Variants in EFHD1 observed in about 807,000 individuals in gnomAD.
The protein encoded by EFHD1 is EF-hand domain-containing protein D1.
Under a neutral mutation model 17.2 loss-of-function variants are expected in EFHD1, and 10 were observed. The observed-to-expected ratio is 0.58, with a 90% confidence interval of 0.36 to 0.99. EFHD1 has a LOEUF of 0.99. Ranked by LOEUF, EFHD1 falls within the 50% of genes least tolerant of loss-of-function variation. EFHD1 has a pLI of 0.01. For synonymous variants in EFHD1, 153 were observed against 142.0 expected (o/e 1.08, Z -0.55); for missense variants, 310 against 327.5 (o/e 0.95, Z 0.41).
chr2:232,663,970 T>C lies in EFHD1; in HGVS notation c.450+1021T>C, dbSNP rs1472967731. ...ACCACACCTGGCTAATTTTTTAAAA[T>C]TTTTGTAGAGATGAGGTCTCACTGT... On this transcript the variant is annotated intron_variant, in intron 2 of 3. Coordinates refer to ENST00000264059, the MANE Select transcript of EFHD1 (RefSeq NM_025202.4). Among the ~76,000 whole-genome samples the C allele has an allele frequency of 2.6e-5, 4 of 152,016 alleles. No individual in the cohort carries two copies. In the East Asian group the frequency reaches 5.8e-4, roughly 22 times the overall value.
chr2:232,655,561 C>T (rs926738672), intron 1 of EFHD1, among the ~76,000 whole-genome samples: 16 of 152,204 alleles, frequency 1.1e-4, no homozygotes, highest in African/African-American at 2.7e-4. Flanking sequence ...ACTGGGACTC[C>T]GTGTAACAGA....
At chr2:232,662,431 G>A (rs942679895) in intron 1 of EFHD1, among the ~76,000 whole-genome samples, 3 of 152,120 alleles carry the variant, frequency 2.0e-5, no homozygotes, top group Non-Finnish European at 4.4e-5. Flanking sequence ...CGTGCTGGGC[G>A]TCAGGGGCCA....
chr2:232,641,589 G>A (rs6741190), intron 1 of EFHD1, among the ~76,000 whole-genome samples: 63,235 of 152,064 alleles, frequency 0.42, 13,584 homozygotes, highest in Non-Finnish European at 0.47. Context: ...GGTTTCTGTT[G>A]TCCCTCTGCA....
chr2:232,651,520 C>T (rs565690358), intron 1 of EFHD1, among the ~76,000 whole-genome samples: 1 of 152,362 alleles, frequency 6.6e-6, no homozygotes, highest in South Asian at 2.1e-4. Flanking sequence ...CCCCTTCCCC[C>T]GGTGTGTTTG....
Position 232,633,959 on chromosome 2 carries a change from G to A in EFHD1, c.255G>A (p.Pro85=), listed in dbSNP as rs2276557. ...TCTTCAACCCCTACACGGAGTTCCC[G>A]GAGTTCAGCCGCCGCCTCATCAAGG... is the stretch of plus-strand genomic sequence containing the variant. ...CRVFNPYTEF[P]EFSRRLIKDL... Residue 85 remains proline (P), a synonymous_variant, in exon 1 of 4, where the codon CCG becomes CCA. Coordinates refer to ENST00000264059, the MANE Select transcript of EFHD1 (RefSeq NM_025202.4). The A allele has an allele frequency of 6.3e-7, 1 of 1,597,746 alleles. No individual in the cohort carries two copies. The highest frequency in any genetic ancestry group is 1.3e-5 in the African/African-American group (1 of 74,952).
At chr2:232,608,212 A>C (rs963489809) in intron 1 of EFHD1, among the ~76,000 whole-genome samples, 2 of 151,870 alleles carry the variant, frequency 1.3e-5, no homozygotes, top group South Asian at 2.1e-4. Flanking sequence ...TCTACTAAAA[A>C]TACAAAAATT....
Position 232,633,847 on chromosome 2 carries a change from C to G in EFHD1, c.143C>G (p.Thr48Arg). The G allele has an allele frequency of 6.7e-7, 1 of 1,495,728 alleles. No homozygotes were observed. Among genetic ancestry groups the G allele is most frequent in the Admixed American group, 2.2e-5 (1 of 45,502 alleles). The allele number at this position is 1,495,728 out of a possible 1,614,324, so 92.7% of individuals were successfully genotyped here. A position where few individuals can be genotyped will look rare whatever the true frequency, so the allele number is the denominator to read the frequency against. Reference sequence around the variant, plus strand: ...CCCGAGCCTCCCGCCCGTGCGCCCACGGCCAGCGCCGACGCGGAGCTGAGC... The same window carrying G: ...CCCGAGCCTCCCGCCCGTGCGCCCAGGGCCAGCGCCGACGCGGAGCTGAGC... ...PEPEPPARAP[T>R]ASADAELSAQ... is the part of the protein sequence containing the mutation. Residue 48 changes from threonine (T) to arginine (R), a missense_variant, in exon 1 of 4, where the codon ACG becomes AGG. By Grantham distance (71) the Thr-to-Arg change is moderately conservative. Coordinates refer to ENST00000264059, the MANE Select transcript of EFHD1 (RefSeq NM_025202.4).
chr2:232,625,627 C>G (rs1328957084), intron 1 of EFHD1, among the ~76,000 whole-genome samples: 1 of 152,134 alleles, frequency 6.6e-6, no homozygotes, highest in African/African-American at 2.4e-5. Flanking sequence ...ACACAGAGAA[C>G]AGAATACTCA....
intron 1 of EFHD1, among the ~76,000 whole-genome samples, chr2:232,626,189 G>A (rs1457864568): frequency 6.6e-6 from 1 of 151,050 alleles, no homozygotes; most frequent in Non-Finnish European, 1.5e-5. Flanking sequence ...AAGACCTTGT[G>A]TCCAAAAAAA....
chr2:232,613,853 T>A, intron 1 of EFHD1, among the ~76,000 whole-genome samples: 1 of 147,468 alleles, frequency 6.8e-6, no homozygotes, highest in African/African-American at 2.5e-5. Flanking sequence ...CACACAAATA[T>A]ATACACACAT....
At chr2:232,678,165 C>T (rs1321385804) in intron 3 of EFHD1, among the ~76,000 whole-genome samples, 2 of 151,872 alleles carry the variant, frequency 1.3e-5, no homozygotes, top group Non-Finnish European at 2.9e-5. Context: ...TACCTGTCAT[C>T]CCAGCTACTC....
At chr2:232,659,205 A>G (rs186172800) in intron 1 of EFHD1, among the ~76,000 whole-genome samples, 16 of 152,242 alleles carry the variant, frequency 1.1e-4, no homozygotes, top group Admixed American at 5.9e-4. Flanking sequence ...GTGCTTTGCA[A>G]TGTAGCTCTG....
intron 1 of EFHD1, among the ~76,000 whole-genome samples, chr2:232,637,930 T>C (rs146415784): frequency 3.1e-4 from 47 of 152,294 alleles, no homozygotes; most frequent in African/African-American, 1.1e-3. Context: ...GTGGTGTCCT[T>C]TGTGAGTCCT....
intron 2 of EFHD1, among the ~76,000 whole-genome samples, chr2:232,663,496 A>G (rs1694914183): frequency 6.6e-6 from 1 of 151,928 alleles, no homozygotes; most frequent in South Asian, 2.1e-4. Flanking sequence ...TAGCCTCCCA[A>G]GTAGCTGGGA....
intron 1 of EFHD1, chr2:232,606,260 G>A (rs1559333030): frequency 1.4e-6 from 2 of 1,471,244 alleles, no homozygotes; most frequent in Admixed American, 2.0e-5. Flanking sequence ...TCCAGAATAG[G>A]TGCGCGGTAA....
In EFHD1 at chr2:232,633,733, T is replaced by C; in HGVS notation, c.29T>C (p.Leu10Pro). 1 of 1,468,370 alleles carries C rather than the reference T, an allele frequency of 6.8e-7. No individual in the cohort carries two copies. The highest frequency in any genetic ancestry group is 8.9e-7 in the Non-Finnish European group (1 of 1,118,524). The allele number at this position is 1,468,370 out of a possible 1,614,324, so 91.0% of individuals were successfully genotyped here. A position where few individuals can be genotyped will look rare whatever the true frequency, so the allele number is the denominator to read the frequency against. Residue 10 changes from leucine to proline, a missense_variant, in exon 1 of 4, where the codon CTG (leucine) becomes CCG (proline). By Grantham distance (98) the Leu-to-Pro change is moderately conservative (BLOSUM62 -3). Transcript: ENST00000264059. ...GCCAGTGAGGAGCTGGCGTGCAAGCTGGAGCGCCGGCTGCGGCGCGAGGAG... is the reference window on the plus strand; with the variant it reads ...GCCAGTGAGGAGCTGGCGTGCAAGCCGGAGCGCCGGCTGCGGCGCGAGGAG... MASEELACK[L>P]ERRLRREEAE...
chr2:232,650,232 A>T (rs965707286), intron 1 of EFHD1: 2 of 151,032 alleles, frequency 1.3e-5, no homozygotes, highest in African/African-American at 4.9e-5. Context: ...AAGCTCTAGG[A>T]TGCAAACAGG....
At chr2:232,673,767 G>A (rs368558003) in intron 3 of EFHD1, among the ~76,000 whole-genome samples, 5 of 151,960 alleles carry the variant, frequency 3.3e-5, no homozygotes, top group African/African-American at 7.3e-5. Context: ...ATGGAGTGTC[G>A]CTCTGCCACC....
chr2:232,658,783 T>C (rs969035051), intron 1 of EFHD1, among the ~76,000 whole-genome samples: 1 of 152,104 alleles, frequency 6.6e-6, no homozygotes, highest in Non-Finnish European at 1.5e-5. Flanking sequence ...CTAATGGGTA[T>C]CAGTTTCTTT....
Sources: allele counts gnomAD v4.1 joint callset (sites outside exome capture counted in the v4.1 genomes callset), GRCh38; gene constraint gnomAD v4.1.1; transcripts MANE v1.5; gene names NCBI Gene and HGNC (gene_info 2026-07-23, HGNC 2026-07-21).